ZNF654: variants seen among roughly 807,000 people sequenced by gnomAD.
ZNF654 encodes melanoma-associated antigen.
ZNF654 carries 19 observed loss-of-function variants against 95.3 expected under a neutral mutation model. That is an observed-to-expected ratio of 0.20 (90% CI 0.14 to 0.29). ZNF654 has a LOEUF of 0.29. ZNF654 is among the 10% of genes least tolerant of loss of function. The probability of loss-of-function intolerance (pLI) is 1.00; values close to 1 mark genes in which losing one functional copy is unlikely to be tolerated. For missense variants in ZNF654, 1,046 were observed against 1,341.0 expected (o/e 0.78, Z 3.44); for synonymous variants, 413 against 457.9 (o/e 0.90, Z 1.25).
chr3:88,067,777 G>A (rs1480724371), intron 1 of ZNF654, among the ~76,000 whole-genome samples: 1 of 152,168 alleles, frequency 6.6e-6, no homozygotes, highest in Non-Finnish European at 1.5e-5. Flanking sequence ...AGTTCCAAGA[G>A]TGGGAGGTGA....
intron 1 of ZNF654, among the ~76,000 whole-genome samples, chr3:88,069,633 A>G (rs1223387699): frequency 1.3e-5 from 2 of 152,184 alleles, no homozygotes; most frequent in Non-Finnish European, 1.5e-5. Flanking sequence ...TCACATCAGG[A>G]CTTTTCTGCT....
rs187940633 is a variant in ZNF654 at position 88,138,825 on chromosome 3, A to C, written c.1156A>C (p.Asn386His). ...TAAAACAATTGCACATTTTTTGCCA[A>C]ATGATTTGGAGATCCTCAGGATTTG... ...IYKTIAHFLPNDLEILRICAL... is the reference protein window; with the variant it reads ...IYKTIAHFLPHDLEILRICAL... Residue 386 changes from asparagine to histidine, a missense_variant, in exon 8 of 9, where the codon AAT (asparagine) becomes CAT (histidine). By Grantham distance (68) the Asn-to-His change is moderately conservative. This residue lies in a region of ZNF654 where 78 missense variants were observed against 154.2 expected (regional missense o/e 0.51). Transcript: ENST00000636215. The C allele has an allele frequency of 3.2e-6, 4 of 1,232,008 alleles. No individual in the cohort carries two copies. The East Asian group carries it at 1.3e-4, about 39-fold the overall frequency. 76.3% of individuals were successfully genotyped at this position (1,232,008 alleles called of 1,614,324 possible).
At chr3:88,095,822 C>T (rs975330221) in intron 2 of ZNF654, 1 of 451,592 alleles carries the variant, frequency 2.2e-6, no homozygotes, top group Admixed American at 3.0e-5. Flanking sequence ...TCTCAGATTC[C>T]CAAGTATTGT....
At chr3:88,132,375 T>C (rs1181969812) in intron 6 of ZNF654, among the ~76,000 whole-genome samples, 1 of 152,176 alleles carries the variant, frequency 6.6e-6, no homozygotes, top group Non-Finnish European at 1.5e-5. Flanking sequence ...GTTTGTACAC[T>C]GAATGAGTGC....
rs1357164719 is a variant in ZNF654 at position 88,142,245 on chromosome 3, AG to A, written c.*595del. On this transcript the variant is annotated 3_prime_UTR_variant, in exon 9 of 9. Coordinates refer to ENST00000636215, the MANE Select transcript of ZNF654 (RefSeq NM_001350134.2). ...GTAACAGGTTTCCAGATGATTAATT[AG>A]GTCAAAGTTCAATGAATGGCACGCC... 1 of 149,846 alleles carries A rather than the reference AG, an allele frequency of 6.7e-6. No individual in the cohort carries two copies. The highest frequency in any genetic ancestry group is 2.5e-5 in the African/African-American group (1 of 39,284). 9.3% of individuals were successfully genotyped at this position (149,846 alleles called of 1,614,324 possible).
intron 7 of ZNF654, among the ~76,000 whole-genome samples, chr3:88,135,688 C>G (rs1706735892): frequency 6.6e-6 from 1 of 152,020 alleles, no homozygotes. Context: ...TTACCTCTTT[C>G]TAAAAATAGT....
chr3:88,124,651 GTTTT>G lies in ZNF654; in HGVS notation c.415-1479_415-1476del, dbSNP rs890440587. 1.7e-4 allele frequency among the ~76,000 whole-genome samples: 26 copies of G among 152,098 alleles called. No homozygotes were observed. The East Asian group carries it at 4.5e-3, about 26-fold the overall frequency. Reference sequence around the variant, plus strand: ...TAATAAGTAACATTTCTGAAAATATGTTTTTTTAAATTCTGAAGCTTTGCTTTAT... The same window carrying G: ...TAATAAGTAACATTTCTGAAAATATGTTTAAATTCTGAAGCTTTGCTTTAT... On this transcript the variant is annotated intron_variant, in intron 3 of 8. Coordinates refer to ENST00000636215, the MANE Select transcript of ZNF654 (RefSeq NM_001350134.2).
chr3:88,059,507 TGAGGCGTCCGTTGGCCGCCCC>T lies in ZNF654; in HGVS notation c.186+5_186+25del. 6 of 1,472,964 alleles carry T rather than the reference TGAGGCGTCCGTTGGCCGCCCC, an allele frequency of 4.1e-6. No individual in the cohort carries two copies. Among genetic ancestry groups the T allele is most frequent in the Non-Finnish European group, 5.4e-6 (6 of 1,120,364 alleles). 91.2% of individuals were successfully genotyped at this position (1,472,964 alleles called of 1,614,324 possible). A position where few individuals can be genotyped will look rare whatever the true frequency, so the allele number is the denominator to read the frequency against. Reference sequence around the variant, plus strand: ...GATTACTGCCGACGCTTCTGTCAGGTGAGGCGTCCGTTGGCCGCCCCGACTTGTCACCCGGGTCCTGGGCCT... The same window carrying T: ...GATTACTGCCGACGCTTCTGTCAGGTGACTTGTCACCCGGGTCCTGGGCCT... On this transcript the variant is annotated splice_donor_5th_base_variant and intron_variant, in intron 1 of 8. Coordinates refer to ENST00000636215, the MANE Select transcript of ZNF654 (RefSeq NM_001350134.2).
intron 3 of ZNF654, among the ~76,000 whole-genome samples, chr3:88,122,970 A>G (rs1327949129): frequency 1.3e-5 from 2 of 150,842 alleles, no homozygotes; most frequent in Non-Finnish European, 3.0e-5. Flanking sequence ...AGGTTGCACC[A>G]TTGCACTCCT....
At chr3:88,130,538 A>T (rs1281010259) in intron 6 of ZNF654, among the ~76,000 whole-genome samples, 6 of 151,672 alleles carry the variant, frequency 4.0e-5, no homozygotes, top group African/African-American at 1.5e-4. Flanking sequence ...TGCAGCCTCA[A>T]CTTCTGGGCT....
At chr3:88,069,706 T>C (rs1707401601) in intron 1 of ZNF654, among the ~76,000 whole-genome samples, 1 of 152,186 alleles carries the variant, frequency 6.6e-6, no homozygotes, top group African/African-American at 2.4e-5. Flanking sequence ...GTTGACATTA[T>C]AGAGTGTTAA....
At chr3:88,066,108 A>C (rs1431378625) in intron 1 of ZNF654, among the ~76,000 whole-genome samples, 1 of 152,232 alleles carries the variant, frequency 6.6e-6, no homozygotes, top group Non-Finnish European at 1.5e-5. Flanking sequence ...TTGTTTCCCC[A>C]AAGCATGTGA....
intron 2 of ZNF654, 28 bp downstream of exon 2, chr3:88,086,430 C>T: frequency 1.4e-6 from 2 of 1,439,384 alleles, no homozygotes; most frequent in Non-Finnish European, 1.8e-6. Context: ...CTTATAAATG[C>T]ATTATTTTTC....
chr3:88,107,180 C>T (rs544594801), intron 2 of ZNF654, among the ~76,000 whole-genome samples: 7 of 152,128 alleles, frequency 4.6e-5, no homozygotes, highest in Non-Finnish European at 1.0e-4. Flanking sequence ...TTGAGGTATA[C>T]ACTTTATATA....
chr3:88,095,614 G>T (rs1704012633), intron 2 of ZNF654: 2 of 517,166 alleles, frequency 3.9e-6, no homozygotes, highest in Non-Finnish European at 7.8e-6. Flanking sequence ...ATCTTTTCTG[G>T]TTCTAGTCTT....
chr3:88,077,431 C>T (rs1401185779), intron 1 of ZNF654, among the ~76,000 whole-genome samples: 1 of 151,000 alleles, frequency 6.6e-6, no homozygotes, highest in Non-Finnish European at 1.5e-5. Flanking sequence ...CCGCCGGGTT[C>T]ACTCCACTCT....
chr3:88,113,218 C>A lies in ZNF654; in HGVS notation c.414+22C>A. 4 of 1,441,048 alleles carry A rather than the reference C, an allele frequency of 2.8e-6. No individual in the cohort carries two copies. In the South Asian group the frequency reaches 3.7e-5, roughly 13 times the overall value. The allele number at this position is 1,441,048 out of a possible 1,614,324, so 89.3% of individuals were successfully genotyped here. On this transcript the variant is annotated intron_variant, in intron 3 of 8. Transcript: ENST00000636215. ...CCAGGTAAAAAACAGTTTACTACTTCACACTTTGTCTACACTTAAAATAGA... is the reference window on the plus strand; with the variant it reads ...CCAGGTAAAAAACAGTTTACTACTTAACACTTTGTCTACACTTAAAATAGA...
At chr3:88,060,493 C>T (rs1215972157) in intron 1 of ZNF654, among the ~76,000 whole-genome samples, 1 of 152,178 alleles carries the variant, frequency 6.6e-6, no homozygotes, top group Non-Finnish European at 1.5e-5. Context: ...AAAAAATTAA[C>T]TGCTCCTTTT....
At chr3:88,078,136 G>GT (rs1707911394) in intron 1 of ZNF654, among the ~76,000 whole-genome samples, 2 of 152,118 alleles carry the variant, frequency 1.3e-5, no homozygotes. Context: ...TGTTAAACTA[G>GT]TTAGTAGGGT....
Sources: gnomAD v4.1 joint callset for allele counts (sites outside exome capture counted in the v4.1 genomes callset) on GRCh38, gnomAD v4.1.1 for gene constraint, gnomAD v4.1.1 regional missense constraint, MANE v1.5 for transcripts, NCBI Gene and HGNC (gene_info 2026-07-23, HGNC 2026-07-21) for gene names.